The following VCL variants were observed in gnomAD, a reference collection of about 807,000 sequenced individuals.
The protein encoded by VCL is epididymis luminal protein 114.
Under a neutral mutation model 125.7 loss-of-function variants are expected in VCL, and 47 were observed. That is an observed-to-expected ratio of 0.37 (90% CI 0.30 to 0.48). VCL has a LOEUF of 0.48. Ranked by LOEUF, VCL falls within the 20% of genes least tolerant of loss-of-function variation. The pLI, the probability that VCL is intolerant of heterozygous loss-of-function variation, is 0.99. For synonymous variants in VCL, 458 were observed against 514.6 expected, an observed-to-expected ratio of 0.89 and a Z score of 1.49; for missense variants, 1,069 against 1,455.5, an observed-to-expected ratio of 0.73 and a Z score of 4.32.
chr10:74,104,919 A>G, intron 15 of VCL, 132 bp from the exon 16 acceptor site: 1 of 1,025,728 alleles, frequency 9.7e-7, no homozygotes, highest in South Asian at 1.5e-5. Flanking sequence ...TTGATTATGT[A>G]GGAAGAGTTT....
intron 1 of VCL, among the ~76,000 whole-genome samples, chr10:74,011,819 T>C (rs1840441774): frequency 1.3e-5 from 2 of 152,300 alleles, no homozygotes; most frequent in South Asian, 4.1e-4. Flanking sequence ...GCACACTGGA[T>C]TGGCATAAGT....
At position 74,074,744 on chromosome 10, in the gene VCL, T is replaced by C; in HGVS notation, c.624T>C (p.Ala208=). ...CTTTCTGATCTTTTATTTTTACAGC[T>C]ATGAAGATTTTTGTAACAACTAAAA... The part of the protein sequence containing the change: ...VKELLPVLIS[A]MKIFVTTKNS... Residue 208 remains alanine (A), a splice_region_variant and synonymous_variant, in exon 6 of 22, where the codon GCT becomes GCC. Transcript: ENST00000211998. The C allele has an allele frequency of 6.2e-7, 1 of 1,613,092 alleles. No individual in the cohort carries two copies. The highest frequency in any genetic ancestry group is 8.5e-7 in the Non-Finnish European group (1 of 1,179,710).
intron 1 of VCL, among the ~76,000 whole-genome samples, chr10:73,999,070 C>T (rs779732557): frequency 3.9e-5 from 6 of 152,178 alleles, no homozygotes; most frequent in Non-Finnish European, 5.9e-5. Context: ...ACCACAAGCC[C>T]GGTTTTTCCT....
chr10:74,116,641 G>A (rs1840313887), intron 21 of VCL, among the ~76,000 whole-genome samples: 2 of 150,802 alleles, frequency 1.3e-5, no homozygotes, highest in South Asian at 2.1e-4. Context: ...AGCCGAGATC[G>A]TGCCATTGCA....
At chr10:74,003,227 T>A (rs1840263468) in intron 1 of VCL, among the ~76,000 whole-genome samples, 1 of 151,952 alleles carries the variant, frequency 6.6e-6, no homozygotes, top group Admixed American at 6.6e-5. Context: ...CATGTACCAC[T>A]TAAAACTCTA....
At chr10:74,006,026 C>T (rs2136223476) in intron 1 of VCL, among the ~76,000 whole-genome samples, 1 of 152,224 alleles carries the variant, frequency 6.6e-6, no homozygotes, top group Admixed American at 6.5e-5. Flanking sequence ...GTTGGGATTA[C>T]AGGCACCCAC....
chr10:74,087,347 T>C (rs1229548584), intron 8 of VCL, among the ~76,000 whole-genome samples: 6 of 141,160 alleles, frequency 4.3e-5, no homozygotes, highest in Non-Finnish European at 9.3e-5. Flanking sequence ...TTCTTTTTTT[T>C]TTTTTTTTCT....
At chr10:74,028,430 C>G (rs1452354863) in intron 1 of VCL, among the ~76,000 whole-genome samples, 6 of 140,498 alleles carry the variant, frequency 4.3e-5, no homozygotes, top group Non-Finnish European at 7.6e-5. Context: ...GGGTTTCGCT[C>G]TTGTCACCCA....
intron 1 of VCL, among the ~76,000 whole-genome samples, chr10:74,020,065 A>G (rs1840631848): frequency 6.7e-6 from 1 of 148,576 alleles, no homozygotes; most frequent in African/African-American, 2.5e-5. Context: ...CTCCGTCTCA[A>G]AAAAAAAAAA....
chr10:74,063,935 G>A (rs938077354), intron 2 of VCL: 2 of 152,082 alleles, frequency 1.3e-5, no homozygotes, highest in Non-Finnish European at 2.9e-5. Context: ...GTATTCAGCA[G>A]CGCAATTCAA....
At chr10:74,103,797 T>C in intron 14 of VCL, 23 bp from the exon 15 acceptor site, 1 of 1,609,446 alleles carries the variant, frequency 6.2e-7, no homozygotes, top group Non-Finnish European at 8.5e-7. Context: ...CTCTGGTGTT[T>C]AAAGGTGTTT....
chr10:74,029,811 T>A (rs1840841390), intron 1 of VCL, among the ~76,000 whole-genome samples: 1 of 152,222 alleles, frequency 6.6e-6, no homozygotes. Flanking sequence ...TTTTAGAATT[T>A]AATTTGTGTT....
intron 6 of VCL, chr10:74,075,142 G>T: frequency 1.9e-6 from 1 of 518,798 alleles, no homozygotes; most frequent in Non-Finnish European, 3.4e-6. Context: ...GTTTAAGGCT[G>T]AGATTTATAG....
At chr10:74,072,379 A>G (rs1020067782) in intron 4 of VCL, among the ~76,000 whole-genome samples, 2 of 152,176 alleles carry the variant, frequency 1.3e-5, no homozygotes, top group African/African-American at 4.8e-5. Flanking sequence ...CAGAGTTCAG[A>G]GACATGGCAT....
intron 1 of VCL, among the ~76,000 whole-genome samples, chr10:74,042,412 CT>C (rs536966640): frequency 1.6e-4 from 25 of 152,218 alleles, no homozygotes; most frequent in African/African-American, 5.1e-4. Flanking sequence ...CCAGGTATGA[CT>C]TTTTTTATGT....
At chr10:74,101,950 C>A (rs1455622552) in intron 14 of VCL, among the ~76,000 whole-genome samples, 1 of 150,460 alleles carries the variant, frequency 6.6e-6, no homozygotes, top group Non-Finnish European at 1.5e-5. Flanking sequence ...ACTGCAGCCT[C>A]CACTTCCTGG....
At chr10:74,007,077 C>T (rs908989714) in intron 1 of VCL, among the ~76,000 whole-genome samples, 5 of 151,978 alleles carry the variant, frequency 3.3e-5, no homozygotes, top group African/African-American at 7.2e-5. Flanking sequence ...ATCCTCCCAC[C>T]GCAGCCTCCC....
Position 74,095,638 on chromosome 10 carries a change from G to T in VCL, c.1544-18G>T, listed in dbSNP as rs764895095. On this transcript the variant is annotated intron_variant, in intron 11 of 21. Coordinates refer to ENST00000211998, the MANE Select transcript of VCL (RefSeq NM_014000.3). ...TCCTCTGGGTCTTGTAAGTTTCATT[G>T]TTTTTCTCTTGGTCCAGGTCAGGCT... 1.2e-6 allele frequency: 2 copies of T among 1,613,286 alleles called. No homozygotes were observed. The highest frequency in any genetic ancestry group is 2.2e-5 in the South Asian group (2 of 91,034).
intron 6 of VCL, chr10:74,075,378 CCAT>C: frequency 6.4e-6 from 1 of 156,966 alleles, no homozygotes; most frequent in East Asian, 1.9e-4. Context: ...CTTGATCATT[CCAT>C]TTTCCCCAAG....
Sources: allele counts gnomAD v4.1 joint callset (sites outside exome capture counted in the v4.1 genomes callset), GRCh38; gene constraint gnomAD v4.1.1; transcripts MANE v1.5; gene names NCBI Gene and HGNC (gene_info 2026-07-23, HGNC 2026-07-21).